Variants in LHCGR observed in about 807,000 individuals in gnomAD.
The protein encoded by LHCGR is luteinizing hormone/choriogonadotropin receptor.
A neutral mutation model predicts 60.7 loss-of-function variants in LHCGR; 55 were observed. That is an observed-to-expected ratio of 0.91 (90% CI 0.73 to 1.13). The LOEUF (loss-of-function observed/expected upper bound fraction) is 1.13. Ranked by LOEUF, LHCGR falls within the 50% of genes most tolerant of loss-of-function variation. The probability of loss-of-function intolerance (pLI) is 0.00; values close to 1 mark genes in which losing one functional copy is unlikely to be tolerated. For missense variants in LHCGR, 862 were observed against 836.0 expected, an observed-to-expected ratio of 1.03 and a Z score of -0.38; for synonymous variants, 337 against 316.5, an observed-to-expected ratio of 1.06 and a Z score of -0.69.
chr2:48,692,649 C>A (rs1666910777), intron 10 of LHCGR, among the ~76,000 whole-genome samples: 2 of 152,124 alleles, frequency 1.3e-5, no homozygotes, highest in Non-Finnish European at 2.9e-5. Flanking sequence ...ACCGCTGCTC[C>A]AGTCACAAGA....
rs73928211 is a variant in LHCGR, at chr2:48,708,867, G to A, written c.680+81C>T. 115,484 of 1,036,002 alleles carry A rather than the reference G, an allele frequency of 0.11. 7,156 individuals are homozygous for A. Among genetic ancestry groups the A allele is most frequent in the Middle Eastern group, 0.2 (721 of 3,694 alleles). The allele number at this position is 1,036,002 out of a possible 1,614,324, so 64.2% of individuals were successfully genotyped here. On this transcript the variant is annotated intron_variant, in intron 8 of 10. Coordinates refer to ENST00000294954, the MANE Select transcript of LHCGR (RefSeq NM_000233.4). ...AGGCTGATGTCTCACATATCAGCTT[G>A]GGGATGATGTGGAGGGACACCCTAA... is the stretch of plus-strand genomic sequence containing the variant.
intron 1 of LHCGR, among the ~76,000 whole-genome samples, chr2:48,748,092 A>G (rs1669792607): frequency 6.6e-6 from 1 of 152,140 alleles, no homozygotes; most frequent in African/African-American, 2.4e-5. Context: ...TCTGGCTAGA[A>G]GAGATGATTC....
chr2:48,722,489 G>C (rs999828454), intron 6 of LHCGR, among the ~76,000 whole-genome samples: 3 of 152,172 alleles, frequency 2.0e-5, no homozygotes. Context: ...CTGGATCATG[G>C]GGGTGGTTTC....
intron 9 of LHCGR, among the ~76,000 whole-genome samples, chr2:48,697,712 T>C (rs367859096): frequency 5.3e-5 from 8 of 152,136 alleles, no homozygotes; most frequent in African/African-American, 1.9e-4. Flanking sequence ...GAATGGATCC[T>C]ATCTCCTTAG....
intron 1 of LHCGR, among the ~76,000 whole-genome samples, chr2:48,739,311 G>T (rs1669331065): frequency 6.6e-6 from 1 of 152,112 alleles, no homozygotes; most frequent in South Asian, 2.1e-4. Flanking sequence ...CCCATTACTG[G>T]GTATATACCC....
In LHCGR at chr2:48,686,846, A is replaced by T. The variant is rs1417233288; in HGVS notation, c.*851T>A. ...AGCTCTAGAAAAAATTGTTTTCATT[A>T]TATGTTTCATAACTTCAGAGTAATT... On this transcript the variant is annotated 3_prime_UTR_variant, in exon 11 of 11. Coordinates refer to ENST00000294954, the MANE Select transcript of LHCGR (RefSeq NM_000233.4). 3 of 152,162 alleles carry T rather than the reference A, an allele frequency of 2.0e-5. No homozygotes were observed. Among genetic ancestry groups the T allele is most frequent in the African/African-American group, 7.2e-5 (3 of 41,454 alleles). The allele number at this position is 152,162 out of a possible 1,614,324, so 9.4% of individuals were successfully genotyped here.
chr2:48,731,512 T>A (rs1668987064), intron 1 of LHCGR, among the ~76,000 whole-genome samples: 1 of 152,190 alleles, frequency 6.6e-6, no homozygotes, highest in Non-Finnish European at 1.5e-5. Flanking sequence ...ATTTTGCGGT[T>A]AAGACTGTGA....
chr2:48,732,947 A>T, intron 1 of LHCGR: 1 of 534,442 alleles, frequency 1.9e-6, no homozygotes, highest in South Asian at 1.4e-5. Flanking sequence ...AAAGGATCCG[A>T]GAAGAACAGG....
intron 9 of LHCGR, among the ~76,000 whole-genome samples, chr2:48,695,868 C>A (rs1250935795): frequency 6.6e-6 from 1 of 152,100 alleles, no homozygotes; most frequent in Non-Finnish European, 1.5e-5. Flanking sequence ...AACATATGAA[C>A]AGGCACTGCA....
intron 4 of LHCGR, among the ~76,000 whole-genome samples, chr2:48,724,366 T>G (rs1668629776): frequency 6.6e-6 from 1 of 152,124 alleles, no homozygotes; most frequent in Admixed American, 6.5e-5. Flanking sequence ...TCCCTCAGAG[T>G]CTAGGCATCT....
chr2:48,703,678 G>T (rs1055119079), intron 8 of LHCGR, among the ~76,000 whole-genome samples: 1 of 152,052 alleles, frequency 6.6e-6, no homozygotes, highest in Non-Finnish European at 1.5e-5. Context: ...TCATGATTTG[G>T]CTCTCCGTTA....
intron 8 of LHCGR, among the ~76,000 whole-genome samples, chr2:48,708,092 C>A (rs7567983): frequency 0.25 from 37,289 of 152,146 alleles, 4,902 homozygotes; most frequent in Middle Eastern, 0.34. Flanking sequence ...ATGCAGAAAT[C>A]ACCCGTCTTC....
In LHCGR at chr2:48,730,375, A is replaced by G. The variant is rs552360595; in HGVS notation, c.233+852T>C. Reference sequence around the variant, plus strand: ...GCTCAAGTAAACCGACAAGTCCGTAACCTGCAGGGAATTTCCTATAATATG... The same window carrying G: ...GCTCAAGTAAACCGACAAGTCCGTAGCCTGCAGGGAATTTCCTATAATATG... On this transcript the variant is annotated intron_variant, in intron 2 of 10. Coordinates refer to ENST00000294954, the MANE Select transcript of LHCGR (RefSeq NM_000233.4). Among the ~76,000 whole-genome samples, 55 of 152,290 alleles carry G rather than the reference A, an allele frequency of 3.6e-4. 1 individual carries two copies. The highest frequency in any genetic ancestry group is 6.6e-4 in the Non-Finnish European group (45 of 68,012).
intron 1 of LHCGR, among the ~76,000 whole-genome samples, chr2:48,741,534 A>G (rs1201234476): frequency 6.6e-6 from 1 of 151,976 alleles, no homozygotes; most frequent in African/African-American, 2.4e-5. Context: ...GGGGGCCAAT[A>G]TTCCACATTC....
At position 48,729,239 on chromosome 2, in the gene LHCGR, A is replaced by AG; in HGVS notation, c.234-13dup. 7 of 1,584,776 alleles carry AG rather than the reference A, an allele frequency of 4.4e-6. No homozygotes were observed. The highest frequency in any genetic ancestry group is 3.5e-6 in the Non-Finnish European group (4 of 1,156,654). On this transcript the variant is annotated splice_polypyrimidine_tract_variant and intron_variant, in intron 2 of 10. Coordinates refer to ENST00000294954, the MANE Select transcript of LHCGR (RefSeq NM_000233.4). ...TCTGAGAGATTTCACTAGGGAAGAG[A>AG]GGAGGGGGAAAAAGAGAAAGAAACA...
chr2:48,723,396 C>T (rs747399217), intron 6 of LHCGR, 60 bp downstream of exon 6: 10 of 1,175,796 alleles, frequency 8.5e-6, no homozygotes, highest in Non-Finnish European at 1.3e-5. Flanking sequence ...CTCACCCCAA[C>T]CTAGTAGTGA....
rs780534668 is a variant in LHCGR, at chr2:48,708,989, C to T, written c.639G>A (p.Met213Ile). 5.0e-6 allele frequency: 8 copies of T among 1,614,204 alleles called. No individual in the cohort carries two copies. Among genetic ancestry groups the T allele is most frequent in the Non-Finnish European group, 6.8e-6 (8 of 1,180,024 alleles). Residue 213 changes from methionine to isoleucine, a missense_variant, in exon 8 of 11, where the codon ATG (methionine) becomes ATA (isoleucine). Physicochemically the swap from Met to Ile is conservative, Grantham distance 10 (BLOSUM62 1). Transcript: ENST00000294954. Reference sequence around the variant, plus strand: ...TGGCCCCACGGAAGGCTCCATTGTGCATCTTCTCCAGATGTACGTTTTCCT... The same window carrying T: ...TGGCCCCACGGAAGGCTCCATTGTGTATCTTCTCCAGATGTACGTTTTCCT... ...ELKENVHLEK[M>I]HNGAFRGATG...
intron 7 of LHCGR, among the ~76,000 whole-genome samples, chr2:48,712,683 T>A (rs1425507484): frequency 6.6e-6 from 1 of 150,734 alleles, no homozygotes; most frequent in Non-Finnish European, 1.5e-5. Context: ...TTACTTATAA[T>A]TAATTATATT....
chr2:48,727,258 TAA>T (rs887607626), intron 3 of LHCGR, among the ~76,000 whole-genome samples: 2 of 143,784 alleles, frequency 1.4e-5, no homozygotes, highest in African/African-American at 2.6e-5. Context: ...AGACCCTGTA[TAA>T]AAAAAAAAAG....
Sources: gnomAD v4.1 joint callset for allele counts (sites outside exome capture counted in the v4.1 genomes callset) on GRCh38, gnomAD v4.1.1 for gene constraint, MANE v1.5 for transcripts, NCBI Gene and HGNC (gene_info 2026-07-23, HGNC 2026-07-21) for gene names.